Variants in MAP4K5 observed in about 807,000 individuals in gnomAD.
MAP4K5 encodes mitogen-activated protein kinase kinase kinase kinase 5.
A neutral mutation model predicts 135.6 loss-of-function variants in MAP4K5; 82 were observed. That is an observed-to-expected ratio of 0.60 (90% CI 0.51 to 0.73). The LOEUF is 0.73. Among genes scored for constraint, MAP4K5 ranks in the 30% least tolerant of loss-of-function variants. The pLI, the probability that MAP4K5 is intolerant of heterozygous loss-of-function variation, is 0.00. For synonymous variants in MAP4K5, 347 were observed against 335.0 expected (o/e 1.04, Z -0.39); for missense variants, 907 against 1,010.9 (o/e 0.90, Z 1.39).
At chr14:50,420,554 C>G (rs1457425144) in intron 32 of MAP4K5, among the ~76,000 whole-genome samples, 2 of 152,140 alleles carry the variant, frequency 1.3e-5, no homozygotes, top group African/African-American at 4.8e-5. Context: ...ATCCCTTGAG[C>G]CCGGGAGTTT....
rs1595437460 is a variant in MAP4K5, at chr14:50,440,001, T to C, written c.1705+12A>G. 6 of 1,518,046 alleles carry C rather than the reference T, an allele frequency of 4.0e-6. No individual in the cohort carries two copies. Among genetic ancestry groups the C allele is most frequent in the African/African-American group, 1.4e-5 (1 of 71,024 alleles). The allele number at this position is 1,518,046 out of a possible 1,614,324, so 94.0% of individuals were successfully genotyped here. A position where few individuals can be genotyped will look rare whatever the true frequency, so the allele number is the denominator to read the frequency against. On this transcript the variant is annotated intron_variant, in intron 23 of 32. Transcript: ENST00000682126. Reference sequence around the variant, plus strand: ...CTTATCTATGGTTTATTTTTCATCATCACATACATACCTGATAATGACATT... The same window carrying C: ...CTTATCTATGGTTTATTTTTCATCACCACATACATACCTGATAATGACATT...
At chr14:50,482,503 G>A (rs111706100) in intron 5 of MAP4K5, 87 bp from the exon 6 acceptor site, 35,747 of 902,686 alleles carry the variant, frequency 0.04, 789 homozygotes, top group East Asian at 0.068. Flanking sequence ...ACTAGGCCAA[G>A]CGCAGTGGCT....
chr14:50,468,813 G>A (rs1291558092), intron 9 of MAP4K5, 31 bp from the exon 10 acceptor site: 7 of 1,579,380 alleles, frequency 4.4e-6, no homozygotes, highest in Non-Finnish European at 6.0e-6. Context: ...CAACATTTTT[G>A]TTGTTAAATA....
intron 2 of MAP4K5, among the ~76,000 whole-genome samples, chr14:50,528,808 T>C (rs182969663): frequency 5.5e-4 from 84 of 152,318 alleles, no homozygotes; most frequent in Non-Finnish European, 1.1e-3. Context: ...ATATCCTACA[T>C]TGAAAATACT....
In MAP4K5 at chr14:50,431,141, T is replaced by C. The variant is rs115477568; in HGVS notation, c.2165-1881A>G. 9.9e-3 allele frequency among the ~76,000 whole-genome samples: 1,509 copies of C among 152,336 alleles called. 20 individuals are homozygous for C. The highest frequency in any genetic ancestry group is 0.034 in the African/African-American group (1,410 of 41,562). On this transcript the variant is annotated intron_variant, in intron 28 of 32. Transcript: ENST00000682126. Reference sequence around the variant, plus strand: ...TTGGGTAAATATTTCATTGCACTGATTTATACAAGTTTTCTTTCACATACT... The same window carrying C: ...TTGGGTAAATATTTCATTGCACTGACTTATACAAGTTTTCTTTCACATACT...
intron 6 of MAP4K5, among the ~76,000 whole-genome samples, chr14:50,478,126 A>C (rs952397048): frequency 6.6e-6 from 1 of 152,096 alleles, no homozygotes; most frequent in African/African-American, 2.4e-5. Context: ...TATTCAGGTT[A>C]TTTATAATTG....
intron 2 of MAP4K5, among the ~76,000 whole-genome samples, chr14:50,505,715 T>C (rs894655916): frequency 1.3e-5 from 2 of 152,352 alleles, no homozygotes; most frequent in South Asian, 4.1e-4. Context: ...GAATTTTTAC[T>C]GTCATCGACC....
intron 26 of MAP4K5, among the ~76,000 whole-genome samples, chr14:50,436,947 T>C (rs2036107913): frequency 6.6e-6 from 1 of 152,172 alleles, no homozygotes; most frequent in African/African-American, 2.4e-5. Flanking sequence ...CGGTAATGAT[T>C]TAAATCTATA....
At chr14:50,537,130 G>A (rs1428504706), upstream of MAP4K5, among the ~76,000 whole-genome samples, 1 of 152,182 alleles carries the variant, frequency 6.6e-6, no homozygotes, top group East Asian at 1.9e-4. Flanking sequence ...CTAGGCCCAG[G>A]GTCCCTGTGC....
intron 19 of MAP4K5, 40 bp downstream of exon 19, chr14:50,443,899 T>C (rs2036283639): frequency 6.7e-7 from 1 of 1,484,912 alleles, no homozygotes; most frequent in Non-Finnish European, 9.3e-7. Flanking sequence ...ATAAATATAG[T>C]ATTATTTACA....
At chr14:50,472,198 T>G (rs2036981232) in intron 9 of MAP4K5, 1 of 152,146 alleles carries the variant, frequency 6.6e-6, no homozygotes, top group Admixed American at 6.6e-5. Flanking sequence ...CTTTAGTCGT[T>G]TCAATTACCT....
intron 14 of MAP4K5, chr14:50,449,123 T>C (rs2036426546): frequency 3.3e-6 from 1 of 305,866 alleles, no homozygotes; most frequent in African/African-American, 2.2e-5. Context: ...AATAAATGAC[T>C]AAGTAAAAAC....
At chr14:50,558,220 G>A (rs559635528) in intron 1 of MAP4K5, among the ~76,000 whole-genome samples, 23 of 152,278 alleles carry the variant, frequency 1.5e-4, no homozygotes, top group African/African-American at 4.3e-4. Context: ...ACAGCCAGGC[G>A]TGCTGGCGAC....
intron 1 of MAP4K5, among the ~76,000 whole-genome samples, chr14:50,545,280 A>G (rs1055736566): frequency 5.9e-5 from 9 of 152,206 alleles, no homozygotes; most frequent in African/African-American, 1.9e-4. Flanking sequence ...CTACTTGCCA[A>G]TCTGAACTGT....
At chr14:50,436,065 A>T (rs1397450972) in intron 26 of MAP4K5, among the ~76,000 whole-genome samples, 1 of 152,160 alleles carries the variant, frequency 6.6e-6, no homozygotes, top group Non-Finnish European at 1.5e-5. Flanking sequence ...ATGCTGTGAA[A>T]CTATTATGTG....
upstream of MAP4K5, among the ~76,000 whole-genome samples, chr14:50,537,154 G>A (rs1384837387): frequency 6.6e-6 from 1 of 152,214 alleles, no homozygotes; most frequent in Admixed American, 6.5e-5. Context: ...GTGCAGCCTA[G>A]AGACTTGGTG....
chr14:50,555,028 A>G (rs1566711464), intron 1 of MAP4K5, among the ~76,000 whole-genome samples: 1 of 152,226 alleles, frequency 6.6e-6, no homozygotes, highest in African/African-American at 2.4e-5. Context: ...CATATACGGT[A>G]TATTTATCAA....
At chr14:50,440,190 C>A in intron 22 of MAP4K5, 117 bp from the exon 23 acceptor site, 1 of 831,838 alleles carries the variant, frequency 1.2e-6, no homozygotes, top group Non-Finnish European at 1.8e-6. Flanking sequence ...AATTATCAAA[C>A]CCTTAAGAAA....
At position 50,445,202 on chromosome 14, in the gene MAP4K5, T is replaced by C; in HGVS notation, c.1186-8A>G. On this transcript the variant is annotated splice_region_variant and splice_polypyrimidine_tract_variant and intron_variant, in intron 17 of 32. Coordinates refer to ENST00000682126, the MANE Select transcript of MAP4K5 (RefSeq NM_006575.6). ...GTAACTGCTTATCCTTGGCTAGTGG[T>C]ACAAAGACAAAAAAGTACTTTAACA... The C allele has an allele frequency of 6.2e-7, 1 of 1,610,918 alleles. No homozygotes were observed. The highest frequency in any genetic ancestry group is 1.3e-5 in the African/African-American group (1 of 74,842).
Sources: allele counts gnomAD v4.1 joint callset (sites outside exome capture counted in the v4.1 genomes callset), GRCh38; gene constraint gnomAD v4.1.1; transcripts MANE v1.5; gene names NCBI Gene and HGNC (gene_info 2026-07-23, HGNC 2026-07-21).